The following CRACDL variants were observed in gnomAD, a reference collection of about 807,000 sequenced individuals.
CRACDL encodes CRACD-like protein.
CRACDL carries 26 observed loss-of-function variants against 70.6 expected under a neutral mutation model. The ratio of observed to expected loss-of-function variants is 0.37; its 90% CI spans 0.27 to 0.51. The LOEUF is 0.51. Among genes scored for constraint, CRACDL ranks in the 20% least tolerant of loss-of-function variants. CRACDL has a pLI of 0.94. For synonymous variants in CRACDL, 618 were observed against 615.2 expected (o/e 1.00, Z -0.07); for missense variants, 1,283 against 1,376.9 (o/e 0.93, Z 1.08).
chr2:98,846,952 G>A (rs1184090845), intron 1 of CRACDL, 142 bp from the exon 2 acceptor site: 1 of 660,830 alleles, frequency 1.5e-6, no homozygotes. Flanking sequence ...GTGCAGCACA[G>A]TACAGGCCAA....
At chr2:98,815,841 C>T (rs915544974) in intron 7 of CRACDL, among the ~76,000 whole-genome samples, 1 of 152,324 alleles carries the variant, frequency 6.6e-6, no homozygotes, top group Admixed American at 6.5e-5. Context: ...AGAGTTGTGC[C>T]TCACAAGGGA....
At chr2:98,815,892 T>C (rs1704764353) in intron 7 of CRACDL, among the ~76,000 whole-genome samples, 1 of 152,212 alleles carries the variant, frequency 6.6e-6, no homozygotes, top group Non-Finnish European at 1.5e-5. Context: ...TTTCAGCTTG[T>C]TGTTGGCATT....
chr2:98,807,461 A>C (rs756753200), intron 7 of CRACDL, among the ~76,000 whole-genome samples: 4 of 152,050 alleles, frequency 2.6e-5, no homozygotes, highest in Admixed American at 2.6e-4. Context: ...TCCCCACCCT[A>C]CCACAGCGGT....
intron 1 of CRACDL, among the ~76,000 whole-genome samples, chr2:98,928,435 G>A (rs1171183746): frequency 6.6e-6 from 1 of 152,172 alleles, no homozygotes; most frequent in African/African-American, 2.4e-5. Context: ...TGTGGCCAAA[G>A]AGCAGCCTGA....
At chr2:98,888,583 A>C (rs1391788200) in intron 1 of CRACDL, among the ~76,000 whole-genome samples, 1 of 152,224 alleles carries the variant, frequency 6.6e-6, no homozygotes, top group Non-Finnish European at 1.5e-5. Context: ...ACATCAAAGG[A>C]GCAATGGAGG....
chr2:98,871,530 C>G (rs1248264579), intron 1 of CRACDL, among the ~76,000 whole-genome samples: 1 of 152,198 alleles, frequency 6.6e-6, no homozygotes, highest in Non-Finnish European at 1.5e-5. Flanking sequence ...GAGCTCTTCC[C>G]CATGATGGCA....
chr2:98,901,738 G>C (rs1269494531), intron 1 of CRACDL, among the ~76,000 whole-genome samples: 2 of 152,192 alleles, frequency 1.3e-5, no homozygotes, highest in Non-Finnish European at 2.9e-5. Context: ...GGGTCAGAAT[G>C]AGCAAAATTG....
intron 1 of CRACDL, among the ~76,000 whole-genome samples, chr2:98,896,067 G>T (rs1378084588): frequency 6.6e-6 from 1 of 152,158 alleles, no homozygotes. Flanking sequence ...AACTCAAATG[G>T]ACTAAGACAG....
At chr2:98,882,311 T>C (rs1599956) in intron 1 of CRACDL, among the ~76,000 whole-genome samples, 3,951 of 152,248 alleles carry the variant, frequency 0.026, 213 homozygotes, top group Admixed American at 0.12. Flanking sequence ...TCTTAATACA[T>C]AGTATGGCCC....
intron 1 of CRACDL, among the ~76,000 whole-genome samples, chr2:98,854,686 G>T (rs1706627982): frequency 6.6e-6 from 1 of 152,126 alleles, no homozygotes; most frequent in Non-Finnish European, 1.5e-5. Flanking sequence ...TGAAATATAT[G>T]CAAATAGCCA....
Position 98,822,886 on chromosome 2 carries a change from C to G in CRACDL, c.1387G>C (p.Glu463Gln). ...PPGPAPEPER[E>Q]AETEPERGAG... Reference sequence around the variant, plus strand: ...CCTCTCTCGGGCTCCGTCTCCGCTTCTCTCTCGGGCTCAGGCGCCGGCCCT... The same window carrying G: ...CCTCTCTCGGGCTCCGTCTCCGCTTGTCTCTCGGGCTCAGGCGCCGGCCCT... The change falls in exon 7 of 10, where the codon GAA becomes CAA. Residue 463 changes from glutamate to glutamine, a missense_variant. This residue lies in a region of CRACDL where 921 missense variants were observed against 881.9 expected (regional missense o/e 1.04). Coordinates refer to ENST00000397899, the MANE Select transcript of CRACDL (RefSeq NM_207362.3). The surrounding 1 kb of genome is among the most constrained non-coding windows in gnomAD (Gnocchi z 4.9). 1.4e-6 allele frequency: 2 copies of G among 1,470,694 alleles called. No individual in the cohort carries two copies. Among genetic ancestry groups the G allele is most frequent in the South Asian group, 2.7e-5 (2 of 73,338 alleles). The allele number at this position is 1,470,694 out of a possible 1,614,324, so 91.1% of individuals were successfully genotyped here.
At chr2:98,911,090 T>C (rs1027560084) in intron 1 of CRACDL, among the ~76,000 whole-genome samples, 1 of 152,094 alleles carries the variant, frequency 6.6e-6, no homozygotes, top group African/African-American at 2.4e-5. Flanking sequence ...CTGGGTGAGG[T>C]GCCGAACTGA....
At chr2:98,889,340 A>AAAGAAAGGAAGG (rs1231775878) in intron 1 of CRACDL, among the ~76,000 whole-genome samples, 64 of 128,174 alleles carry the variant, frequency 5.0e-4, no homozygotes, top group African/African-American at 6.6e-4. Flanking sequence ...AGAAAGAAAG[A>AAAGAAAGGAAGG]AAGGAAACAG....
rs1408535861 is a variant in CRACDL at position 98,822,854 on chromosome 2, C to T, written c.1419G>A (p.Gly473=). The T allele has an allele frequency of 1.4e-6, 2 of 1,456,738 alleles. No homozygotes were observed. The highest frequency in any genetic ancestry group is 1.5e-5 in the African/African-American group (1 of 67,498). The allele number at this position is 1,456,738 out of a possible 1,614,324, so 90.2% of individuals were successfully genotyped here. The change falls in exon 7 of 10, where the codon GGG becomes GGA. Residue 473 remains glycine, a synonymous_variant. Transcript: ENST00000397899. This position sits in a 1 kb window ranked among gnomAD's most constrained non-coding sequence, Gnocchi z 4.9. ...EAETEPERGA[G]TEPERIGTEP... ...CGGTCCCAATTCTCTCGGGCTCGGT[C>T]CCCGCTCCTCTCTCGGGCTCCGTCT...
chr2:98,878,515 G>A (rs77647003), intron 1 of CRACDL, among the ~76,000 whole-genome samples: 5,495 of 152,258 alleles, frequency 0.036, 132 homozygotes, highest in Middle Eastern at 0.065. Flanking sequence ...ATGTTCACAC[G>A]ATGAAATCAC....
intron 2 of CRACDL, among the ~76,000 whole-genome samples, chr2:98,845,222 G>A (rs1252736474): frequency 6.8e-6 from 1 of 148,116 alleles, no homozygotes; most frequent in African/African-American, 2.5e-5. Flanking sequence ...TTTGGAGGCA[G>A]GGTCTTGCTT....
intron 1 of CRACDL, among the ~76,000 whole-genome samples, chr2:98,870,567 G>A (rs1376048078): frequency 6.6e-6 from 1 of 152,090 alleles, no homozygotes; most frequent in South Asian, 2.1e-4. Context: ...CTGTATCCTG[G>A]GAGGTGGTGC....
intron 7 of CRACDL, among the ~76,000 whole-genome samples, chr2:98,811,306 T>TA (rs1704546820): frequency 6.6e-6 from 1 of 151,690 alleles, no homozygotes. Context: ...GGTCAGGAGA[T>TA]AGAGACCATC....
intron 1 of CRACDL, chr2:98,908,624 A>T (rs1454012910): frequency 6.6e-6 from 1 of 152,278 alleles, no homozygotes; most frequent in Non-Finnish European, 1.5e-5. Flanking sequence ...GATAAACTCC[A>T]TTAAGGTCTG....
Sources: allele counts gnomAD v4.1 joint callset (sites outside exome capture counted in the v4.1 genomes callset), GRCh38; gene constraint gnomAD v4.1.1; regional missense constraint gnomAD v4.1.1; non-coding constraint Gnocchi (gnomAD v3.1); transcripts MANE v1.5; gene names NCBI Gene and HGNC (gene_info 2026-07-23, HGNC 2026-07-21).